The following LDB2 variants were observed in gnomAD, a reference collection of about 807,000 sequenced individuals.
The protein encoded by LDB2 is LIM domain-binding protein 2.
A neutral mutation model predicts 44.3 loss-of-function variants in LDB2; 12 were observed. The ratio of observed to expected loss-of-function variants is 0.27; its 90% confidence interval spans 0.17 to 0.44. LDB2 has a LOEUF of 0.44. Ranked by LOEUF, LDB2 falls within the 20% of genes least tolerant of loss-of-function variation. LDB2 has a pLI of 1.00. For synonymous variants in LDB2, 164 were observed against 174.8 expected (o/e 0.94, Z 0.49); for missense variants, 344 against 473.5 (o/e 0.73, Z 2.54).
At chr4:16,886,488 A>T (rs1240159547) in intron 1 of LDB2, among the ~76,000 whole-genome samples, 3 of 152,222 alleles carry the variant, frequency 2.0e-5, no homozygotes, top group Non-Finnish European at 2.9e-5. Flanking sequence ...TTAAATTTAT[A>T]TACTAACATG....
intron 5 of LDB2, among the ~76,000 whole-genome samples, chr4:16,580,034 T>C (rs1291727129): frequency 6.6e-6 from 1 of 152,168 alleles, no homozygotes; most frequent in East Asian, 1.9e-4. Flanking sequence ...GAAGGAATCC[T>C]GAAGGATGAG....
chr4:16,814,194 C>G (rs1017842262), intron 1 of LDB2, among the ~76,000 whole-genome samples: 4 of 152,148 alleles, frequency 2.6e-5, no homozygotes, highest in Non-Finnish European at 5.9e-5. Flanking sequence ...TCTAACAGCC[C>G]TGTGATTTTG....
At chr4:16,793,056 A>C (rs1222249628) in intron 1 of LDB2, among the ~76,000 whole-genome samples, 13 of 152,210 alleles carry the variant, frequency 8.5e-5, no homozygotes, top group Admixed American at 8.5e-4. Context: ...AGGTTATATA[A>C]GTAGAGGTTG....
rs999218998 is a variant in LDB2 at position 16,511,514 on chromosome 4, CTTCCTTCT to C, written c.739+459_739+466del. On this transcript the variant is annotated intron_variant, in intron 6 of 7. Transcript: ENST00000304523. ...CCTTCATTCATCTGTTCCTTTCTTC[CTTCCTTCT>C]TTCCATCCCTTCTTTTTTCTCCTTT... is the stretch of plus-strand genomic sequence containing the variant. 3.9e-5 allele frequency among the ~76,000 whole-genome samples: 6 copies of C among 151,952 alleles called. No individual in the cohort carries two copies. The East Asian group carries it at 7.7e-4, about 20-fold the overall frequency.
chr4:16,730,201 C>A (rs1366960234), intron 2 of LDB2, among the ~76,000 whole-genome samples: 1 of 152,188 alleles, frequency 6.6e-6, no homozygotes, highest in Non-Finnish European at 1.5e-5. Context: ...ATAGGGGGAT[C>A]TTGAGATTCC....
chr4:16,818,427 T>A (rs1457123242), intron 1 of LDB2, among the ~76,000 whole-genome samples: 1 of 152,216 alleles, frequency 6.6e-6, no homozygotes, highest in Non-Finnish European at 1.5e-5. Context: ...TCTGTGATCA[T>A]CCTACTCTGC....
At chr4:16,662,024 T>A (rs1248835292) in intron 2 of LDB2, among the ~76,000 whole-genome samples, 2 of 152,222 alleles carry the variant, frequency 1.3e-5, no homozygotes, top group Non-Finnish European at 2.9e-5. Flanking sequence ...ATTCCAAGTA[T>A]GTCTTTTCCC....
intron 1 of LDB2, among the ~76,000 whole-genome samples, chr4:16,792,079 CT>C (rs1775878549): frequency 6.6e-6 from 1 of 152,150 alleles, no homozygotes; most frequent in African/African-American, 2.4e-5. Context: ...TTCCAATACC[CT>C]AACATGTACA....
chr4:16,585,104 T>C (rs1716281705), intron 5 of LDB2, among the ~76,000 whole-genome samples: 1 of 152,148 alleles, frequency 6.6e-6, no homozygotes, highest in South Asian at 2.1e-4. Flanking sequence ...AACAACTTCA[T>C]AGACCATCAC....
chr4:16,808,418 C>T (rs1779182645), intron 1 of LDB2, among the ~76,000 whole-genome samples: 1 of 152,122 alleles, frequency 6.6e-6, no homozygotes, highest in African/African-American at 2.4e-5. Context: ...TTAGTAATGA[C>T]CAGTGGAGGC....
chr4:16,531,470 C>T (rs1197518574), intron 5 of LDB2, among the ~76,000 whole-genome samples: 1 of 152,242 alleles, frequency 6.6e-6, no homozygotes, highest in Non-Finnish European at 1.5e-5. Context: ...TTCAGGAGTT[C>T]TGCATCAAAT....
chr4:16,574,433 CCTT>C (rs1404866607), intron 5 of LDB2, among the ~76,000 whole-genome samples: 1 of 152,168 alleles, frequency 6.6e-6, no homozygotes, highest in Non-Finnish European at 1.5e-5. Context: ...ATCAGTCACT[CCTT>C]CTCTTCTTTC....
At chr4:16,640,663 T>C (rs1454256407) in intron 2 of LDB2, among the ~76,000 whole-genome samples, 1 of 152,202 alleles carries the variant, frequency 6.6e-6, no homozygotes, top group Non-Finnish European at 1.5e-5. Context: ...TATTTTTATC[T>C]TCAATCTCTG....
At chr4:16,584,697 T>C (rs1394294197) in intron 5 of LDB2, among the ~76,000 whole-genome samples, 1 of 152,212 alleles carries the variant, frequency 6.6e-6, no homozygotes, top group African/African-American at 2.4e-5. Flanking sequence ...TAGTGCCTTC[T>C]TTCCCTTTTA....
At chr4:16,740,717 TCTATA>T (rs1358959310) in intron 2 of LDB2, among the ~76,000 whole-genome samples, 9 of 152,268 alleles carry the variant, frequency 5.9e-5, no homozygotes, top group African/African-American at 2.2e-4. Context: ...ACATTTTTCT[TCTATA>T]CTAAGTGACA....
At chr4:16,687,921 C>A (rs1749665593) in intron 2 of LDB2, among the ~76,000 whole-genome samples, 1 of 152,206 alleles carries the variant, frequency 6.6e-6, no homozygotes, top group Non-Finnish European at 1.5e-5. Flanking sequence ...TTATCCAATT[C>A]AACACACATT....
chr4:16,664,652 A>T (rs1394782810), intron 2 of LDB2, among the ~76,000 whole-genome samples: 1 of 152,256 alleles, frequency 6.6e-6, no homozygotes, highest in Non-Finnish European at 1.5e-5. Flanking sequence ...TTACTAAAAA[A>T]ATCTCCCTAT....
At chr4:16,843,612 G>A (rs892183650) in intron 1 of LDB2, among the ~76,000 whole-genome samples, 1 of 152,112 alleles carries the variant, frequency 6.6e-6, no homozygotes, top group Non-Finnish European at 1.5e-5. Flanking sequence ...TTATAAATTT[G>A]TATTTCTTTT....
rs558999790 is a variant in LDB2 at position 16,592,981 on chromosome 4, A to G, written c.408+2722T>C. 1.6e-4 allele frequency among the ~76,000 whole-genome samples: 24 copies of G among 152,336 alleles called. 2 individuals carry two copies. The South Asian group carries it at 4.8e-3, about 30-fold the overall frequency. ...TATTTGATTAAAAAACTGAAAACAT[A>G]AAAGAAAGGCTTTATAATGTGTGTT... On this transcript the variant is annotated intron_variant, in intron 3 of 7. Coordinates refer to ENST00000304523, the MANE Select transcript of LDB2 (RefSeq NM_001290.5).
Sources: allele counts gnomAD v4.1 joint callset (sites outside exome capture counted in the v4.1 genomes callset), GRCh38; gene constraint gnomAD v4.1.1; transcripts MANE v1.5; gene names NCBI Gene and HGNC (gene_info 2026-07-23, HGNC 2026-07-21).